LACTB2: variants seen among roughly 807,000 people sequenced by gnomAD.
LACTB2 encodes the protein lactamase beta 2, also known as endoribonuclease LACTB2.
A neutral mutation model predicts 34.8 loss-of-function variants in LACTB2; 32 were observed. That is an observed-to-expected ratio of 0.92 (90% CI 0.69 to 1.24). LACTB2 has a LOEUF of 1.24. LACTB2 is among the 50% of genes most tolerant of loss of function. LACTB2 has a pLI of 0.00. For synonymous variants in LACTB2, 120 were observed against 117.5 expected, an observed-to-expected ratio of 1.02 and a Z score of -0.14; for missense variants, 320 against 345.0, an observed-to-expected ratio of 0.93 and a Z score of 0.57.
At chr8:70,648,247 C>T (rs1818289742) in intron 3 of LACTB2, among the ~76,000 whole-genome samples, 1 of 152,098 alleles carries the variant, frequency 6.6e-6, no homozygotes, top group South Asian at 2.1e-4. Flanking sequence ...AATTAGTAAA[C>T]ATCAGAAGAT....
At chr8:70,638,023 AAAG>A in intron 6 of LACTB2, 120 bp from the exon 7 acceptor site, 1 of 514,568 alleles carries the variant, frequency 1.9e-6, no homozygotes, top group Non-Finnish European at 3.3e-6. Context: ...TGCTCAATAT[AAAG>A]TTGGGTATTT....
chr8:70,655,230 T>C (rs1193522269), intron 3 of LACTB2, among the ~76,000 whole-genome samples: 1 of 151,994 alleles, frequency 6.6e-6, no homozygotes, highest in Non-Finnish European at 1.5e-5. Flanking sequence ...ATTTTTTTTT[T>C]TTTTTTGAGA....
intron 2 of LACTB2, among the ~76,000 whole-genome samples, chr8:70,659,864 G>A (rs1320364092): frequency 6.6e-6 from 1 of 152,130 alleles, no homozygotes; most frequent in Non-Finnish European, 1.5e-5. Context: ...CAGCATGAGG[G>A]GACCTCTTTT....
chr8:70,647,411 C>T (rs537563194), intron 3 of LACTB2, among the ~76,000 whole-genome samples: 2 of 152,154 alleles, frequency 1.3e-5, no homozygotes, highest in African/African-American at 2.4e-5. Context: ...CGCCACCACA[C>T]CTGGCTAATT....
intron 3 of LACTB2, among the ~76,000 whole-genome samples, chr8:70,650,898 A>AAAT (rs1175621079): frequency 6.6e-6 from 1 of 151,984 alleles, no homozygotes; most frequent in Non-Finnish European, 1.5e-5. Context: ...GATCATGACC[A>AAAT]AATAAGATTT....
chr8:70,642,169 A>G (rs1045927557), intron 4 of LACTB2, among the ~76,000 whole-genome samples: 4 of 152,220 alleles, frequency 2.6e-5, no homozygotes, highest in Non-Finnish European at 4.4e-5. Context: ...TCATTAGCTT[A>G]GCTTGAATGT....
intron 2 of LACTB2, among the ~76,000 whole-genome samples, chr8:70,658,408 A>C (rs569819322): frequency 5.8e-4 from 88 of 152,328 alleles, no homozygotes; most frequent in Middle Eastern, 6.8e-3. Flanking sequence ...TGACACAAAG[A>C]AAATAAATTA....
intron 3 of LACTB2, among the ~76,000 whole-genome samples, chr8:70,648,566 A>C (rs185486313): frequency 3.3e-5 from 5 of 152,276 alleles, no homozygotes; most frequent in Admixed American, 2.6e-4. Flanking sequence ...AAAAAGATGA[A>C]AAATGAGAGA....
intron 6 of LACTB2, among the ~76,000 whole-genome samples, chr8:70,638,169 G>A (rs1031043728): frequency 4.6e-5 from 7 of 152,150 alleles, no homozygotes; most frequent in African/African-American, 1.7e-4. Flanking sequence ...CATAATTACT[G>A]CTTTGACATC....
At chr8:70,667,363 C>G (rs1383107718) in intron 1 of LACTB2, among the ~76,000 whole-genome samples, 2 of 152,180 alleles carry the variant, frequency 1.3e-5, no homozygotes, top group Admixed American at 6.5e-5. Flanking sequence ...TGACAAGGGG[C>G]CAATTAATAT....
chr8:70,669,012 C>A lies in LACTB2; in HGVS notation c.109G>T (p.Gly37Trp). 1 of 1,594,648 alleles carries A rather than the reference C, an allele frequency of 6.3e-7. No individual in the cohort carries two copies. The highest frequency in any genetic ancestry group is 8.5e-7 in the Non-Finnish European group (1 of 1,171,224). The change falls in exon 1 of 7, where the codon GGG (glycine) becomes TGG (tryptophan). Residue 37 changes from glycine to tryptophan, a missense_variant. Gly to Trp is a radical substitution (Grantham distance 184). Transcript: ENST00000276590. ...TLQGTNTYLV[G>W]TGPRRILIDT... ...AGGGACGTTTACCTGGGGCCGGTCCCCACTAGGTAGGTGTTGGTGCCTTGG... is the reference window on the plus strand; with the variant it reads ...AGGGACGTTTACCTGGGGCCGGTCCACACTAGGTAGGTGTTGGTGCCTTGG...
chr8:70,642,237 A>G (rs2132068720), intron 4 of LACTB2, among the ~76,000 whole-genome samples: 1 of 152,228 alleles, frequency 6.6e-6, no homozygotes, highest in East Asian at 1.9e-4. Flanking sequence ...AGCAAAAACA[A>G]AGCAAAACAA....
At position 70,638,543 on chromosome 8, in the gene LACTB2, C is replaced by T. The variant is rs745974839; in HGVS notation, c.823+5G>A. On this transcript the variant is annotated splice_donor_5th_base_variant and intron_variant, in intron 6 of 6. Transcript: ENST00000276590. ...TAATAGAAGAAAATTTGGAAGCATA[C>T]TCACATATTTTTCCTTCTTTTTCTA... The T allele has an allele frequency of 8.5e-6, 13 of 1,524,374 alleles. No homozygotes were observed. The South Asian group carries it at 1.5e-4, about 18-fold the overall frequency. The allele number at this position is 1,524,374 out of a possible 1,614,324, so 94.4% of individuals were successfully genotyped here.
intron 3 of LACTB2, among the ~76,000 whole-genome samples, chr8:70,655,288 C>T (rs986835430): frequency 6.7e-6 from 1 of 149,642 alleles, no homozygotes; most frequent in Admixed American, 6.7e-5. Context: ...GGCACAATTT[C>T]GGCTCACTGC....
intron 3 of LACTB2, chr8:70,652,429 TA>T (rs1818354670): frequency 6.6e-6 from 1 of 152,260 alleles, no homozygotes; most frequent in Non-Finnish European, 1.5e-5. Context: ...GGCTTTAGCT[TA>T]ATGAGAATTT....
chr8:70,653,263 A>T lies in LACTB2; in HGVS notation c.413+4493T>A, dbSNP rs537655442. Among the ~76,000 whole-genome samples the T allele has an allele frequency of 2.4e-4, 37 of 152,040 alleles. 1 individual carries two copies. The highest frequency in any genetic ancestry group is 8.7e-4 in the African/African-American group (36 of 41,484). On this transcript the variant is annotated intron_variant, in intron 3 of 6. Transcript: ENST00000276590. ...GTAGCTGGGACCATAGGCACACACC[A>T]CCATGCCTGGCTATTTTTTTTGTAT...
chr8:70,668,759 T>G (rs1328778147), intron 1 of LACTB2, among the ~76,000 whole-genome samples: 39 of 150,046 alleles, frequency 2.6e-4, no homozygotes, highest in South Asian at 4.2e-4. Context: ...TTTTTTTTTT[T>G]TTTTTTTTTT....
intron 1 of LACTB2, among the ~76,000 whole-genome samples, chr8:70,663,887 CCCTT>C (rs1270326278): frequency 1.3e-5 from 2 of 152,062 alleles, no homozygotes; most frequent in Admixed American, 6.5e-5. Context: ...AAATTTGAGT[CCCTT>C]CAGGGCAGAA....
chr8:70,659,581 T>C (rs1333800188), intron 2 of LACTB2, among the ~76,000 whole-genome samples: 1 of 152,212 alleles, frequency 6.6e-6, no homozygotes, highest in East Asian at 1.9e-4. Flanking sequence ...GGAATTGACA[T>C]TATATAACAA....
Sources: gnomAD v4.1 joint callset for allele counts (sites outside exome capture counted in the v4.1 genomes callset) on GRCh38, gnomAD v4.1.1 for gene constraint, MANE v1.5 for transcripts, NCBI Gene and HGNC (gene_info 2026-07-23, HGNC 2026-07-21) for gene names.